The following ATP8B3 variants were observed in gnomAD, a reference collection of about 807,000 sequenced individuals.
ATP8B3 encodes phospholipid-transporting ATPase IK.
A neutral mutation model predicts 140.9 loss-of-function variants in ATP8B3; 141 were observed. The observed-to-expected ratio is 1.00, with a 90% CI of 0.87 to 1.15. The LOEUF is 1.15. ATP8B3 is among the 50% of genes most tolerant of loss of function. ATP8B3 has a pLI of 0.00. For synonymous variants in ATP8B3, 765 were observed against 714.6 expected (o/e 1.07, Z -1.13); for missense variants, 1,874 against 1,740.6 (o/e 1.08, Z -1.36).
intron 21 of ATP8B3, among the ~76,000 whole-genome samples, chr19:1,790,262 C>T (rs1156798995): frequency 2.6e-5 from 1 of 38,830 alleles, no homozygotes; most frequent in Non-Finnish European, 5.3e-5. Context: ...CCACCGCCCA[C>T]TCCCCTCCGC....
rs1314386396 is a variant in ATP8B3 at position 1,802,468 on chromosome 19, G to C, written c.1063+19C>G. 1 of 1,324,004 alleles carries C rather than the reference G, an allele frequency of 7.6e-7. No homozygotes were observed. Among genetic ancestry groups the C allele is most frequent in the Non-Finnish European group, 9.8e-7 (1 of 1,018,012 alleles). 82.0% of individuals were successfully genotyped at this position (1,324,004 alleles called of 1,614,324 possible). ...CCCATCAGTACAGCTCCCACTCCAGGACCCTGGAGCAGCCGTACCAGCATA... is the reference window on the plus strand; with the variant it reads ...CCCATCAGTACAGCTCCCACTCCAGCACCCTGGAGCAGCCGTACCAGCATA... On this transcript the variant is annotated intron_variant, in intron 11 of 28. Coordinates refer to ENST00000310127, the MANE Select transcript of ATP8B3 (RefSeq NM_138813.4).
Position 1,811,763 on chromosome 19 carries a change from A to C in ATP8B3, c.-27T>G, listed in dbSNP as rs373398458. On this transcript the variant is annotated 5_prime_UTR_variant, in exon 2 of 29. Transcript: ENST00000310127. ...CACCGCATGAGGAAAAGGGAGGTTC[A>C]GGGCGAAGAGGGGTTTAGGCTGTGG... The C allele has an allele frequency of 6.4e-7, 1 of 1,555,596 alleles. No individual in the cohort carries two copies. Among genetic ancestry groups the C allele is most frequent in the East Asian group, 2.3e-5 (1 of 44,444 alleles).
In ATP8B3 at chr19:1,791,766, G is replaced by T; in HGVS notation, c.2286C>A (p.Leu762=). Residue 762 remains leucine (L), a synonymous_variant, in exon 20 of 29, where the codon CTC becomes CTA. Coordinates refer to ENST00000310127, the MANE Select transcript of ATP8B3 (RefSeq NM_138813.4). The stretch of plus-strand genomic sequence containing the variant: ...GGGACTCACCCTGCTTGTCCCCGGT[G>T]AGCACCCATATTTTGATGTTGCTCT... ...LKKSNIKIWV[L]TGDKQETAVN... is the part of the protein sequence containing the mutation. The T allele has an allele frequency of 6.2e-7, 1 of 1,611,366 alleles. No homozygotes were observed. The highest frequency in any genetic ancestry group is 1.1e-5 in the South Asian group (1 of 91,066).
intron 17 of ATP8B3, 30 bp from the exon 18 acceptor site, chr19:1,796,017 G>C: frequency 6.2e-7 from 1 of 1,612,162 alleles, no homozygotes; most frequent in Non-Finnish European, 8.5e-7. Flanking sequence ...GCTGCCCACA[G>C]AGGCTCCCCG....
At chr19:1,793,008 C>T (rs1353142872) in intron 18 of ATP8B3, among the ~76,000 whole-genome samples, 2 of 151,792 alleles carry the variant, frequency 1.3e-5, no homozygotes, top group Non-Finnish European at 2.9e-5. Flanking sequence ...CCTCAGCTCT[C>T]TTTTGCCTCC....
chr19:1,798,061 TC>T (rs2068735020), intron 14 of ATP8B3, among the ~76,000 whole-genome samples: 2 of 151,784 alleles, frequency 1.3e-5, no homozygotes, highest in Admixed American at 1.3e-4. Context: ...AACCTCCACC[TC>T]CGGGTTCAAG....
rs188164154 is a variant in ATP8B3 at position 1,808,351 on chromosome 19, C to T, written c.403-16G>A. 1.6e-5 allele frequency: 26 copies of T among 1,598,822 alleles called. No homozygotes were observed. The highest frequency in any genetic ancestry group is 1.7e-4 in the Middle Eastern group (1 of 5,958). ...TGACATTGGTCTGGAACGAGAGCCG[C>T]GGGCTGCCTGGCAGAGGGGTGCCAT... On this transcript the variant is annotated splice_polypyrimidine_tract_variant and intron_variant, in intron 4 of 28. Transcript: ENST00000310127.
chr19:1,789,483 G>T lies in ATP8B3; in HGVS notation c.2723C>A (p.Ala908Glu), dbSNP rs79352049. 5 of 1,597,736 alleles carry T rather than the reference G, an allele frequency of 3.1e-6. No individual in the cohort carries two copies. In the African/African-American group the frequency reaches 6.7e-5, roughly 21 times the overall value. Residue 908 changes from alanine (A) to glutamate (E), a missense_variant, in exon 23 of 29, where the codon GCG becomes GAG. Ala to Glu is a moderately radical substitution (Grantham distance 107). Coordinates refer to ENST00000310127, the MANE Select transcript of ATP8B3 (RefSeq NM_138813.4). Reference protein sequence around the residue: ...AFVDLASKCQAVICCRVTPKQ... With the variant: ...AFVDLASKCQEVICCRVTPKQ... ...GGGCGTCACGCGGCAGCAGATGACC[G>T]CCTGGCACTTGGACGCCAGGTCCAC...
chr19:1,809,797 G>T lies in ATP8B3; in HGVS notation c.311-63C>A, dbSNP rs758881347. 33 of 1,454,154 alleles carry T rather than the reference G, an allele frequency of 2.3e-5. No individual in the cohort carries two copies. The South Asian group carries it at 3.8e-4, about 17-fold the overall frequency. 90.1% of individuals were successfully genotyped at this position (1,454,154 alleles called of 1,614,324 possible). A position where few individuals can be genotyped will look rare whatever the true frequency, so the allele number is the denominator to read the frequency against. Reference sequence around the variant, plus strand: ...CCCAGGACAAACACCCCTAATGACCGCCCGGAGGAGGGCTCATGGGGCCCG... The same window carrying T: ...CCCAGGACAAACACCCCTAATGACCTCCCGGAGGAGGGCTCATGGGGCCCG... On this transcript the variant is annotated intron_variant, in intron 3 of 28. Transcript: ENST00000310127.
At position 1,806,303 on chromosome 19, in the gene ATP8B3, C is replaced by T; in HGVS notation, c.678-134G>A. On this transcript the variant is annotated intron_variant, in intron 7 of 28. Transcript: ENST00000310127. This position sits in a 1 kb window ranked among gnomAD's most constrained non-coding sequence, Gnocchi z 5.6. The stretch of plus-strand genomic sequence containing the variant: ...TCCGGGCCTTTGCCCCCTCAGGAAG[C>T]CTTCCCCGGGCTCCCACCCCACTCC... The T allele has an allele frequency of 6.7e-7, 1 of 1,485,752 alleles. No homozygotes were observed. Among genetic ancestry groups the T allele is most frequent in the Non-Finnish European group, 8.9e-7 (1 of 1,122,078 alleles). The allele number at this position is 1,485,752 out of a possible 1,614,324, so 92.0% of individuals were successfully genotyped here. A position where few individuals can be genotyped will look rare whatever the true frequency, so the allele number is the denominator to read the frequency against.
In ATP8B3 at chr19:1,799,841, G is replaced by C; in HGVS notation, c.1552+106C>G. 3 of 1,156,568 alleles carry C rather than the reference G, an allele frequency of 2.6e-6. 1 individual carries two copies. The highest frequency in any genetic ancestry group is 4.1e-5 in the Admixed American group (2 of 48,920). The allele number at this position is 1,156,568 out of a possible 1,614,324, so 71.6% of individuals were successfully genotyped here. A position where few individuals can be genotyped will look rare whatever the true frequency, so the allele number is the denominator to read the frequency against. On this transcript the variant is annotated intron_variant, in intron 14 of 28. Transcript: ENST00000310127. ...GGCTACGGTTCCCTGGTTCAGATTC[G>C]GGCGGAGGTGCTGGGCATGGGGCCA...
chr19:1,802,076 C>G (rs906875246), intron 11 of ATP8B3, 32 bp from the exon 12 acceptor site: 5 of 1,307,848 alleles, frequency 3.8e-6, no homozygotes, highest in Non-Finnish European at 5.0e-6. Context: ...TCCACCCACC[C>G]ACCCACCCAT....
intron 16 of ATP8B3, 43 bp downstream of exon 16, chr19:1,796,667 CG>C (rs773540287): frequency 3.8e-6 from 6 of 1,587,434 alleles, no homozygotes; most frequent in African/African-American, 2.7e-5. Context: ...TGCCGTGCCC[CG>C]GGGGCTGAGC....
Position 1,801,961 on chromosome 19 carries a change from C to A in ATP8B3, c.1147G>T (p.Val383Phe). Reference protein sequence around the residue: ...KLDLLMNKLVVVIFISVVLVC... With the variant: ...KLDLLMNKLVFVIFISVVLVC... ...GGCACTTGTTGGCAGCTCACCACAACCACCAGCTTGTTCATCAGGAGGTCC... is the reference window on the plus strand; with the variant it reads ...GGCACTTGTTGGCAGCTCACCACAAACACCAGCTTGTTCATCAGGAGGTCC... Residue 383 changes from valine to phenylalanine, a missense_variant, in exon 12 of 29, where the codon GTT becomes TTT. Val to Phe is a conservative substitution (Grantham distance 50). This residue lies in a region of ATP8B3 where 1,032 missense variants were observed against 963.6 expected (regional missense o/e 1.07). Coordinates refer to ENST00000310127, the MANE Select transcript of ATP8B3 (RefSeq NM_138813.4). 1 of 1,612,148 alleles carries A rather than the reference C, an allele frequency of 6.2e-7. No individual in the cohort carries two copies. The highest frequency in any genetic ancestry group is 8.5e-7 in the Non-Finnish European group (1 of 1,179,276).
At position 1,806,975 on chromosome 19, in the gene ATP8B3, C is replaced by T. The variant is rs942783167; in HGVS notation, c.615+193G>A. 6.6e-6 allele frequency among the ~76,000 whole-genome samples: 1 copy of T among 152,162 alleles called. No homozygotes were observed. The highest frequency in any genetic ancestry group is 2.4e-5 in the African/African-American group (1 of 41,430). On this transcript the variant is annotated intron_variant, in intron 6 of 28. Coordinates refer to ENST00000310127, the MANE Select transcript of ATP8B3 (RefSeq NM_138813.4). The surrounding 1 kb of genome is among the most constrained non-coding windows in gnomAD (Gnocchi z 5.6). ...AACCACGCACCGACAGAGCCAACGCCACCTGCGGCACCTGCCCAATGTGGG... is the reference window on the plus strand; with the variant it reads ...AACCACGCACCGACAGAGCCAACGCTACCTGCGGCACCTGCCCAATGTGGG...
At chr19:1,798,506 A>C (rs1226924729) in intron 14 of ATP8B3, among the ~76,000 whole-genome samples, 2 of 152,032 alleles carry the variant, frequency 1.3e-5, no homozygotes, top group East Asian at 3.9e-4. Flanking sequence ...TGGGAGGCTG[A>C]GGCAGGCAGA....
chr19:1,797,077 CT>C, intron 14 of ATP8B3, 72 bp from the exon 15 acceptor site: 1 of 1,603,326 alleles, frequency 6.2e-7, no homozygotes, highest in South Asian at 1.1e-5. Context: ...CCCCTGACCC[CT>C]AGTTTCAGGC....
chr19:1,784,748 G>A (rs148714490), intron 28 of ATP8B3, 71 bp downstream of exon 28: 96 of 1,501,590 alleles, frequency 6.4e-5, no homozygotes, highest in Non-Finnish European at 8.1e-5. Flanking sequence ...CAGTCCCTAC[G>A]CCCTGCACGG....
intron 24 of ATP8B3, among the ~76,000 whole-genome samples, chr19:1,788,643 CTG>C (rs1173157733): frequency 6.6e-6 from 1 of 152,230 alleles, no homozygotes; most frequent in African/African-American, 2.4e-5. Flanking sequence ...GAGTGAGACT[CTG>C]TCTCAAAACA....
Sources: gnomAD v4.1 joint callset for allele counts (sites outside exome capture counted in the v4.1 genomes callset) on GRCh38, gnomAD v4.1.1 for gene constraint, gnomAD v4.1.1 regional missense constraint, Gnocchi (gnomAD v3.1) non-coding constraint, MANE v1.5 for transcripts, NCBI Gene and HGNC (gene_info 2026-07-23, HGNC 2026-07-21) for gene names.